The following AKAP8L variants were observed in gnomAD, a reference collection of about 807,000 sequenced individuals.
AKAP8L encodes A-kinase anchoring protein 8 like, also known as A-kinase anchor protein 8-like.
A neutral mutation model predicts 77.5 loss-of-function variants in AKAP8L; 34 were observed. That is an observed-to-expected ratio of 0.44 (90% CI 0.33 to 0.58). The LOEUF (loss-of-function observed/expected upper bound fraction) is 0.58, where lower values mean the gene tolerates loss of function less well. Ranked by LOEUF, AKAP8L falls within the 20% of genes least tolerant of loss-of-function variation. AKAP8L has a pLI of 0.02. For missense variants in AKAP8L, 806 were observed against 887.6 expected (o/e 0.91, Z 1.17); for synonymous variants, 342 against 340.7 (o/e 1.00, Z -0.04).
At chr19:15,413,726 T>A (rs1968149246) in intron 1 of AKAP8L, among the ~76,000 whole-genome samples, 1 of 152,182 alleles carries the variant, frequency 6.6e-6, no homozygotes, top group Non-Finnish European at 1.5e-5. Flanking sequence ...TCTGGAAACT[T>A]GTTCTTTCAG....
intron 12 of AKAP8L, among the ~76,000 whole-genome samples, chr19:15,393,768 A>ACT (rs1967712513): frequency 6.6e-6 from 1 of 151,998 alleles, no homozygotes; most frequent in Non-Finnish European, 1.5e-5. Flanking sequence ...TAAAAATACA[A>ACT]AATTAGCCAG....
At position 15,398,942 on chromosome 19, in the gene AKAP8L, G is replaced by T. The variant is rs1372703894; in HGVS notation, c.1157+360C>A. 6.9e-6 allele frequency: 3 copies of T among 436,288 alleles called. No individual in the cohort carries two copies. Among genetic ancestry groups the T allele is most frequent in the Non-Finnish European group, 1.1e-5 (3 of 283,268 alleles). The allele number at this position is 436,288 out of a possible 1,614,324, so 27.0% of individuals were successfully genotyped here. On this transcript the variant is annotated intron_variant, in intron 9 of 13. Transcript: ENST00000397410. The surrounding 1 kb of genome is among the most constrained non-coding windows in gnomAD (Gnocchi z 9.2). ...TTGGCAGCTAGCTGGGGCGGCACAGGCGCCTTGGACCTTGAGTCTCTGATG... is the reference window on the plus strand; with the variant it reads ...TTGGCAGCTAGCTGGGGCGGCACAGTCGCCTTGGACCTTGAGTCTCTGATG...
rs1472948865 is a variant in AKAP8L at position 15,395,889 on chromosome 19, CAGG to C, written c.1536+1258_1536+1260del. On this transcript the variant is annotated intron_variant, in intron 12 of 13. Coordinates refer to ENST00000397410, the MANE Select transcript of AKAP8L (RefSeq NM_014371.4). ...GTCCCAGCTACTCGGGAGGCTGAGG[CAGG>C]AGAATGGCGTGAACCCGGGAGGCGG... Among the ~76,000 whole-genome samples, 5 of 133,164 alleles carry C rather than the reference CAGG, an allele frequency of 3.8e-5. No individual in the cohort carries two copies. In the East Asian group the frequency reaches 1.3e-3, roughly 34 times the overall value. The allele number at this position is 133,164 out of a possible 152,430, so 87.4% of individuals were successfully genotyped here.
chr19:15,402,253 T>C (rs1967915512), intron 4 of AKAP8L, among the ~76,000 whole-genome samples: 1 of 152,094 alleles, frequency 6.6e-6, no homozygotes, highest in South Asian at 2.1e-4. Context: ...GTATTGCAAC[T>C]GGGAAGGCAG....
At chr19:15,407,035 C>T (rs558800671) in intron 2 of AKAP8L, among the ~76,000 whole-genome samples, 2 of 152,150 alleles carry the variant, frequency 1.3e-5, no homozygotes, top group African/African-American at 4.8e-5. Context: ...GCAGGCAGAT[C>T]GCTTGAGCCC....
chr19:15,397,412 TCTC>T lies in AKAP8L; in HGVS notation c.1405+105_1405+107del. On this transcript the variant is annotated intron_variant, in intron 11 of 13. Coordinates refer to ENST00000397410, the MANE Select transcript of AKAP8L (RefSeq NM_014371.4). The surrounding 1 kb of genome is among the most constrained non-coding windows in gnomAD (Gnocchi z 4.7). ...CCACCTGGGCCTGAGCCAAGGCTGG[TCTC>T]CTGACCTTCCCTGGGGGAACAGAAG... 6.8e-7 allele frequency: 1 copy of T among 1,477,822 alleles called. No homozygotes were observed. Among genetic ancestry groups the T allele is most frequent in the Non-Finnish European group, 9.3e-7 (1 of 1,074,214 alleles). The allele number at this position is 1,477,822 out of a possible 1,614,324, so 91.5% of individuals were successfully genotyped here. A position where few individuals can be genotyped will look rare whatever the true frequency, so the allele number is the denominator to read the frequency against.
rs1968274338 is a variant in AKAP8L at position 15,418,936 on chromosome 19, C to CG, written c.-14_-13insC. The CG allele has an allele frequency of 6.2e-7, 1 of 1,604,288 alleles. No individual in the cohort carries two copies. Among genetic ancestry groups the CG allele is most frequent in the Non-Finnish European group, 8.5e-7 (1 of 1,179,242 alleles). On this transcript the variant is annotated 5_prime_UTR_variant, in exon 1 of 14. Coordinates refer to ENST00000397410, the MANE Select transcript of AKAP8L (RefSeq NM_014371.4). Reference sequence around the variant, plus strand: ...CTGTGTAGCTCATGGTGGCGGGCAACACAACATCCGACGACGCCGGCTTCT... The same window carrying CG: ...CTGTGTAGCTCATGGTGGCGGGCAACGACAACATCCGACGACGCCGGCTTCT...
chr19:15,384,098 A>AT (rs1386447122), intron 12 of AKAP8L, among the ~76,000 whole-genome samples: 1 of 151,366 alleles, frequency 6.6e-6, no homozygotes, highest in South Asian at 2.1e-4. Flanking sequence ...CACCCGGCTA[A>AT]TTTTTTGTAT....
intron 12 of AKAP8L, among the ~76,000 whole-genome samples, chr19:15,394,510 T>C (rs1756442289): frequency 6.6e-6 from 1 of 152,100 alleles, no homozygotes; most frequent in Admixed American, 6.5e-5. Context: ...ATTCTGTGAA[T>C]ACGTGAAAAA....
chr19:15,397,639 A>G lies in AKAP8L; in HGVS notation c.1300-14T>C. 6.2e-7 allele frequency: 1 copy of G among 1,613,872 alleles called. No individual in the cohort carries two copies. The highest frequency in any genetic ancestry group is 8.5e-7 in the Non-Finnish European group (1 of 1,179,852). On this transcript the variant is annotated splice_polypyrimidine_tract_variant and intron_variant, in intron 10 of 13. Transcript: ENST00000397410. This position sits in a 1 kb window ranked among gnomAD's most constrained non-coding sequence, Gnocchi z 4.7. Reference sequence around the variant, plus strand: ...AGTGACGTACTCCTGCAAGGAATATAAAGGTTCATGTGGGCCGCCTTATGT... The same window carrying G: ...AGTGACGTACTCCTGCAAGGAATATGAAGGTTCATGTGGGCCGCCTTATGT...
rs762468945 is a variant in AKAP8L at position 15,401,453 on chromosome 19, A to C, written c.513T>G (p.Arg171=). Residue 171 remains arginine (R), a synonymous_variant, in exon 5 of 14, where the codon CGT becomes CGG. Transcript: ENST00000397410. This position sits in a 1 kb window ranked among gnomAD's most constrained non-coding sequence, Gnocchi z 6.2. Reference sequence around the variant, plus strand: ...CCCTGGGACCGAAGGTGTCGTTGCCACGCATGCGGAACTGGTCGCGGTAGG... The same window carrying C: ...CCCTGGGACCGAAGGTGTCGTTGCCCCGCATGCGGAACTGGTCGCGGTAGG... The part of the protein sequence containing the change: ...YDAYRDQFRM[R]GNDTFGPRAQ... 1 of 1,613,692 alleles carries C rather than the reference A, an allele frequency of 6.2e-7. No individual in the cohort carries two copies. The highest frequency in any genetic ancestry group is 8.5e-7 in the Non-Finnish European group (1 of 1,179,882).
At position 15,411,976 on chromosome 19, in the gene AKAP8L, G is replaced by T. The variant is rs185077110; in HGVS notation, c.14-1382C>A. 1.5e-3 allele frequency among the ~76,000 whole-genome samples: 233 copies of T among 152,288 alleles called. 2 individuals are homozygous for T. In the South Asian group the frequency reaches 0.04, roughly 26 times the overall value. The stretch of plus-strand genomic sequence containing the variant: ...TGTAATCCCAGCACTTTGGGCGGCC[G>T]AGGCAGGTGGATCACGAGGTTAGGA... On this transcript the variant is annotated intron_variant, in intron 1 of 13. Transcript: ENST00000397410.
intron 12 of AKAP8L, among the ~76,000 whole-genome samples, chr19:15,393,330 T>C (rs1362255541): frequency 2.0e-5 from 3 of 151,980 alleles, no homozygotes; most frequent in African/African-American, 4.8e-5. Context: ...TAAAAGAAAA[T>C]TGGACTTTAT....
rs1287761790 is a variant in AKAP8L at position 15,401,711 on chromosome 19, G to C, written c.363-108C>G. On this transcript the variant is annotated intron_variant, in intron 4 of 13. Transcript: ENST00000397410. This position sits in a 1 kb window ranked among gnomAD's most constrained non-coding sequence, Gnocchi z 6.2. ...CCCAGTCCAGCACCCACCCTGCCCT[G>C]GTTGGGAGGCTCAATGTTCAGAAAT... 2 of 874,102 alleles carry C rather than the reference G, an allele frequency of 2.3e-6. No homozygotes were observed. The highest frequency in any genetic ancestry group is 3.4e-6 in the Non-Finnish European group (2 of 585,890). The allele number at this position is 874,102 out of a possible 1,614,324, so 54.1% of individuals were successfully genotyped here.
chr19:15,409,833 G>T (rs1968073803), intron 2 of AKAP8L, among the ~76,000 whole-genome samples: 1 of 152,176 alleles, frequency 6.6e-6, no homozygotes, highest in Admixed American at 6.6e-5. Flanking sequence ...GAGGTGGCCT[G>T]GCTGAGTCTC....
Position 15,401,648 on chromosome 19 carries a change from C to T in AKAP8L, c.363-45G>A, listed in dbSNP as rs746152055. ...GCATCAGGTGGAGCCCCTCAGGATC[C>T]CTCACCTCCAGGCAACTGCTCCTGC... On this transcript the variant is annotated intron_variant, in intron 4 of 13. Transcript: ENST00000397410. This position sits in a 1 kb window ranked among gnomAD's most constrained non-coding sequence, Gnocchi z 6.2. 2.7e-6 allele frequency: 4 copies of T among 1,466,058 alleles called. 1 individual carries two copies. Among genetic ancestry groups the T allele is most frequent in the Non-Finnish European group, 3.7e-6 (4 of 1,092,586 alleles). The allele number at this position is 1,466,058 out of a possible 1,614,324, so 90.8% of individuals were successfully genotyped here.
chr19:15,394,501 T>A (rs1967728242), intron 12 of AKAP8L, among the ~76,000 whole-genome samples: 2 of 152,148 alleles, frequency 1.3e-5, no homozygotes, highest in African/African-American at 2.4e-5. Flanking sequence ...GACTGCAGAA[T>A]TCTGTGAATA....
intron 2 of AKAP8L, among the ~76,000 whole-genome samples, chr19:15,406,393 G>C (rs1171921471): frequency 6.7e-6 from 1 of 148,424 alleles, no homozygotes; most frequent in Non-Finnish European, 1.5e-5. Context: ...GAGAGAGAGA[G>C]AGAGAGAGAG....
chr19:15,403,557 T>C lies in AKAP8L; in HGVS notation c.280A>G (p.Arg94Gly). 3 of 1,614,034 alleles carry C rather than the reference T, an allele frequency of 1.9e-6. No individual in the cohort carries two copies. The South Asian group carries it at 3.3e-5, about 18-fold the overall frequency. The stretch of plus-strand genomic sequence containing the variant: ...ACCATATCTAAGCGCTGGTTAATTC[T>C]GGATAAAACGGAATCGGCACTGGCG... ...GSASADSVLS[R>G]INQRLDMVPH... Residue 94 changes from arginine to glycine, a missense_variant, in exon 4 of 14, where the codon AGA becomes GGA. By Grantham distance (125) the Arg-to-Gly change is moderately radical (BLOSUM62 -2). Transcript: ENST00000397410. The surrounding 1 kb of genome is among the most constrained non-coding windows in gnomAD (Gnocchi z 4.3).
Sources: allele counts gnomAD v4.1 joint callset (sites outside exome capture counted in the v4.1 genomes callset), GRCh38; gene constraint gnomAD v4.1.1; non-coding constraint Gnocchi (gnomAD v3.1); transcripts MANE v1.5; gene names NCBI Gene and HGNC (gene_info 2026-07-23, HGNC 2026-07-21).